Variants in EPN2 observed in about 807,000 individuals in gnomAD.
EPN2 encodes epsin 2.
A neutral mutation model predicts 61.7 loss-of-function variants in EPN2; 34 were observed. That is an observed-to-expected ratio of 0.55 (90% CI 0.42 to 0.73). EPN2 has a LOEUF of 0.73. Among genes scored for constraint, EPN2 ranks in the 30% least tolerant of loss-of-function variants. EPN2 has a pLI of 0.00. For synonymous variants in EPN2, 349 were observed against 353.6 expected, an observed-to-expected ratio of 0.99 and a Z score of 0.15; for missense variants, 714 against 839.2, an observed-to-expected ratio of 0.85 and a Z score of 1.84.
At chr17:19,251,287 T>C (rs1321464860) in intron 1 of EPN2, among the ~76,000 whole-genome samples, 1 of 152,168 alleles carries the variant, frequency 6.6e-6, no homozygotes, top group Non-Finnish European at 1.5e-5. Context: ...GCAATCACAG[T>C]GTCAGCTTCT....
chr17:19,332,218 T>C (rs1473311982), intron 10 of EPN2, 150 bp downstream of exon 10: 12 of 650,686 alleles, frequency 1.8e-5, no homozygotes, highest in Admixed American at 2.7e-5. Context: ...TCGCCAGTGC[T>C]GCATGGGGTG....
intron 4 of EPN2, among the ~76,000 whole-genome samples, chr17:19,293,595 G>A (rs534723277): frequency 3.9e-5 from 5 of 126,618 alleles, no homozygotes; most frequent in Admixed American, 9.9e-5. Flanking sequence ...GTTTTGCCAC[G>A]TTGCCCAGGC....
intron 4 of EPN2, among the ~76,000 whole-genome samples, chr17:19,293,144 T>C (rs890737562): frequency 6.6e-6 from 1 of 152,034 alleles, no homozygotes; most frequent in African/African-American, 2.4e-5. Context: ...GTTGGGAGGT[T>C]GAGACGGGCA....
intron 7 of EPN2, among the ~76,000 whole-genome samples, chr17:19,318,567 A>AAAAAAAAAAAAAAAAAAAAAAAG: frequency 6.8e-6 from 1 of 147,296 alleles, no homozygotes; most frequent in Non-Finnish European, 1.5e-5. Flanking sequence ...AAAAAAAAAA[A>AAAAAAAAAAAAAAAAAAAAAAAG]GAGTAGGGGG....
chr17:19,284,482 A>G (rs998580613), intron 3 of EPN2, among the ~76,000 whole-genome samples: 8 of 152,224 alleles, frequency 5.3e-5, no homozygotes, highest in Non-Finnish European at 1.2e-4. Flanking sequence ...TATTCCAGCC[A>G]CAGTGTGGAC....
In EPN2 at chr17:19,335,207, C is replaced by T. The variant is rs1907347798; in HGVS notation, c.*953C>T. 2.4e-6 allele frequency: 1 copy of T among 420,588 alleles called. No homozygotes were observed. 26.1% of individuals were successfully genotyped at this position (420,588 alleles called of 1,614,324 possible). On this transcript the variant is annotated 3_prime_UTR_variant, in exon 11 of 11. Coordinates refer to ENST00000314728, the MANE Select transcript of EPN2 (RefSeq NM_014964.5). ...AAACAACAGCAACAAAAAATCCTAG[C>T]CTCCAGTTGCCTTTTCCTTTCTTTA...
intron 4 of EPN2, chr17:19,308,272 C>A: frequency 1.4e-6 from 1 of 711,400 alleles, no homozygotes; most frequent in Non-Finnish European, 1.7e-6. Flanking sequence ...CCGGGTTTTA[C>A]CATTTTGGCC....
chr17:19,299,455 A>T (rs1174063686), intron 4 of EPN2, among the ~76,000 whole-genome samples: 1 of 152,192 alleles, frequency 6.6e-6, no homozygotes, highest in Non-Finnish European at 1.5e-5. Flanking sequence ...CCCAGCCATG[A>T]TGAGACCCCT....
intron 7 of EPN2, among the ~76,000 whole-genome samples, chr17:19,316,196 G>T (rs1906376162): frequency 6.6e-6 from 1 of 152,228 alleles, no homozygotes; most frequent in African/African-American, 2.4e-5. Flanking sequence ...TTTTTAAAGA[G>T]AAGATAGAAA....
At chr17:19,249,780 G>A (rs1258629088) in intron 1 of EPN2, among the ~76,000 whole-genome samples, 1 of 152,208 alleles carries the variant, frequency 6.6e-6, no homozygotes, top group Non-Finnish European at 1.5e-5. Context: ...AAACAATGCA[G>A]TTGTATAGGC....
intron 10 of EPN2, among the ~76,000 whole-genome samples, chr17:19,332,631 T>C (rs1206590020): frequency 6.6e-6 from 1 of 152,158 alleles, no homozygotes; most frequent in African/African-American, 2.4e-5. Context: ...CCTGTGTGCA[T>C]GAAACCCTTG....
chr17:19,308,055 T>G (rs1905935807), intron 4 of EPN2: 1 of 977,148 alleles, frequency 1.0e-6, no homozygotes, highest in African/African-American at 1.8e-5. Flanking sequence ...AAGAAGGAAG[T>G]AAACTAATAC....
chr17:19,290,123 A>G (rs1353301662), intron 4 of EPN2, among the ~76,000 whole-genome samples: 4 of 152,264 alleles, frequency 2.6e-5, no homozygotes, highest in African/African-American at 4.8e-5. Context: ...CTGCCCTCAC[A>G]TGATCCTGGC....
chr17:19,269,899 A>T (rs2045237046), intron 1 of EPN2, among the ~76,000 whole-genome samples: 1 of 152,242 alleles, frequency 6.6e-6, no homozygotes, highest in African/African-American at 2.4e-5. Context: ...GGCCTCAAAC[A>T]TCTAGACAAG....
At chr17:19,317,745 T>A (rs537239642) in intron 7 of EPN2, among the ~76,000 whole-genome samples, 1 of 152,330 alleles carries the variant, frequency 6.6e-6, no homozygotes, top group African/African-American at 2.4e-5. Flanking sequence ...GCCTGGACCC[T>A]GCCGAGGACG....
intron 1 of EPN2, among the ~76,000 whole-genome samples, chr17:19,272,105 G>A (rs991035876): frequency 3.3e-5 from 5 of 152,286 alleles, no homozygotes; most frequent in Admixed American, 6.5e-5. Flanking sequence ...TCCATAGCTC[G>A]GCCTGTCCTG....
intron 7 of EPN2, among the ~76,000 whole-genome samples, chr17:19,314,636 A>G (rs997489422): frequency 2.0e-5 from 3 of 152,218 alleles, no homozygotes; most frequent in Non-Finnish European, 4.4e-5. Context: ...TCTGTAACCC[A>G]GGCAGGGCCT....
At chr17:19,322,502 T>A (rs902241209) in intron 7 of EPN2, among the ~76,000 whole-genome samples, 5 of 151,620 alleles carry the variant, frequency 3.3e-5, no homozygotes, top group Non-Finnish European at 5.9e-5. Context: ...CAATAATATA[T>A]TTTTACGTAA....
intron 1 of EPN2, among the ~76,000 whole-genome samples, chr17:19,267,284 A>C (rs1439585086): frequency 2.0e-5 from 3 of 151,914 alleles, no homozygotes; most frequent in Non-Finnish European, 4.4e-5. Context: ...GAGTGTTGAA[A>C]ATGTTTTGGA....
Sources: allele counts gnomAD v4.1 joint callset (sites outside exome capture counted in the v4.1 genomes callset), GRCh38; gene constraint gnomAD v4.1.1; transcripts MANE v1.5; gene names NCBI Gene and HGNC (gene_info 2026-07-23, HGNC 2026-07-21).